The following FBXL17 variants were observed in gnomAD, a reference collection of about 807,000 sequenced individuals.
FBXL17 encodes the protein F-box/LRR-repeat protein 17.
In FBXL17, 22 loss-of-function variants were observed where a neutral mutation model predicts 66.2. That is an observed-to-expected ratio of 0.33 (90% CI 0.24 to 0.47). The LOEUF (loss-of-function observed/expected upper bound fraction) is 0.47. FBXL17 is among the 20% of genes least tolerant of loss of function. FBXL17 has a pLI of 1.00. For synonymous variants in FBXL17, 474 were observed against 400.5 expected, an observed-to-expected ratio of 1.18 and a Z score of -2.19; for missense variants, 878 against 948.2, an observed-to-expected ratio of 0.93 and a Z score of 0.97.
chr5:107,993,007 T>C (rs527426913), intron 7 of FBXL17, among the ~76,000 whole-genome samples: 1 of 152,118 alleles, frequency 6.6e-6, no homozygotes, highest in Non-Finnish European at 1.5e-5. Flanking sequence ...GCCATTCTCC[T>C]GCCTTAGCCT....
chr5:108,209,952 T>G lies in FBXL17; in HGVS notation c.1614+14169A>C, dbSNP rs1475296723. 3.3e-5 allele frequency among the ~76,000 whole-genome samples: 5 copies of G among 152,270 alleles called. No homozygotes were observed. The East Asian group carries it at 9.7e-4, about 29-fold the overall frequency. ...ATCCGTCTGGTCCCAGACTTTTTTT[T>G]GGTTGGCAGACTATTAATTACTGCC... On this transcript the variant is annotated intron_variant, in intron 5 of 8. Coordinates refer to ENST00000542267, the MANE Select transcript of FBXL17 (RefSeq NM_001163315.3).
chr5:108,380,210 G>A (rs144973858), intron 1 of FBXL17, among the ~76,000 whole-genome samples: 72 of 152,230 alleles, frequency 4.7e-4, no homozygotes, highest in Non-Finnish European at 8.2e-4. Context: ...GCGTTAACTA[G>A]ATAAATGGGA....
intron 6 of FBXL17, among the ~76,000 whole-genome samples, chr5:108,127,201 T>C (rs147368990): frequency 6.6e-6 from 1 of 152,166 alleles, no homozygotes; most frequent in East Asian, 1.9e-4. Flanking sequence ...ACACCAACAC[T>C]TATGTCTTTG....
chr5:108,324,567 C>A (rs1487357129), intron 4 of FBXL17, among the ~76,000 whole-genome samples: 1 of 151,930 alleles, frequency 6.6e-6, no homozygotes, highest in East Asian at 1.9e-4. Context: ...ATATTAAGAT[C>A]CAGTAATTTT....
chr5:108,139,809 C>T (rs912859235), intron 6 of FBXL17, among the ~76,000 whole-genome samples: 1 of 152,136 alleles, frequency 6.6e-6, no homozygotes, highest in Non-Finnish European at 1.5e-5. Context: ...CAGGTTAATT[C>T]CTTCTGATAT....
chr5:108,228,928 T>TA (rs1755210268), intron 4 of FBXL17, among the ~76,000 whole-genome samples: 1 of 152,182 alleles, frequency 6.6e-6, no homozygotes, highest in African/African-American at 2.4e-5. Context: ...ATTTCTAATT[T>TA]AATTTGTTGG....
intron 7 of FBXL17, among the ~76,000 whole-genome samples, chr5:107,938,698 G>C (rs1473005003): frequency 2.0e-5 from 3 of 152,068 alleles, no homozygotes; most frequent in African/African-American, 7.2e-5. Flanking sequence ...ATACTCTCCA[G>C]AGAGCTTCCA....
intron 6 of FBXL17, among the ~76,000 whole-genome samples, chr5:108,134,003 A>G (rs918488622): frequency 6.6e-6 from 1 of 152,178 alleles, no homozygotes; most frequent in Non-Finnish European, 1.5e-5. Context: ...AAGTACTGGC[A>G]GTAAGGTAAG....
At chr5:107,915,330 A>C (rs552800279) in intron 7 of FBXL17, among the ~76,000 whole-genome samples, 1 of 152,314 alleles carries the variant, frequency 6.6e-6, no homozygotes, top group African/African-American at 2.4e-5. Flanking sequence ...CCTCAGATTT[A>C]ATGTTGATTT....
At chr5:108,270,716 A>G (rs952346698) in intron 4 of FBXL17, among the ~76,000 whole-genome samples, 3 of 152,118 alleles carry the variant, frequency 2.0e-5, no homozygotes, top group Non-Finnish European at 4.4e-5. Flanking sequence ...AAATAATTGA[A>G]CAGCTGACAG....
At chr5:108,119,818 GAAC>G (rs1196773221) in intron 6 of FBXL17, among the ~76,000 whole-genome samples, 1 of 152,100 alleles carries the variant, frequency 6.6e-6, no homozygotes, top group Non-Finnish European at 1.5e-5. Context: ...TAATTCTGTA[GAAC>G]AAAATTTAGT....
At chr5:108,163,375 C>T (rs747376960) in intron 6 of FBXL17, among the ~76,000 whole-genome samples, 1 of 150,460 alleles carries the variant, frequency 6.6e-6, no homozygotes, top group Non-Finnish European at 1.5e-5. Context: ...GTCAACAATG[C>T]AGGACATGAA....
At chr5:108,352,074 T>C (rs1434563009) in intron 3 of FBXL17, among the ~76,000 whole-genome samples, 1 of 152,216 alleles carries the variant, frequency 6.6e-6, no homozygotes, top group Non-Finnish European at 1.5e-5. Flanking sequence ...TATGCAGAAA[T>C]TACCAGCATG....
chr5:107,875,414 T>C (rs1748591076), intron 8 of FBXL17, among the ~76,000 whole-genome samples: 1 of 152,234 alleles, frequency 6.6e-6, no homozygotes, highest in African/African-American at 2.4e-5. Context: ...CTCCATTTTC[T>C]CCACAGAAAT....
chr5:108,044,453 G>A (rs571423635), intron 6 of FBXL17, among the ~76,000 whole-genome samples: 15 of 152,124 alleles, frequency 9.9e-5, no homozygotes, highest in South Asian at 2.1e-4. Flanking sequence ...GTGATCTTTT[G>A]ATTTTTGAAT....
intron 1 of FBXL17, among the ~76,000 whole-genome samples, chr5:108,370,464 G>A (rs890327508): frequency 6.6e-6 from 1 of 152,164 alleles, no homozygotes; most frequent in Non-Finnish European, 1.5e-5. Flanking sequence ...CATAAAAGTG[G>A]CAGGGCATGG....
chr5:108,262,855 G>A (rs555335322), intron 4 of FBXL17, among the ~76,000 whole-genome samples: 165 of 152,248 alleles, frequency 1.1e-3, no homozygotes, highest in Non-Finnish European at 2.3e-3. Flanking sequence ...TTAATAGAGG[G>A]AAAGCATGTG....
At chr5:108,146,114 C>A (rs1365408570) in intron 6 of FBXL17, among the ~76,000 whole-genome samples, 2 of 152,004 alleles carry the variant, frequency 1.3e-5, no homozygotes, top group African/African-American at 4.8e-5. Context: ...CACCTGCAGT[C>A]CCAGCTACTC....
intron 7 of FBXL17, among the ~76,000 whole-genome samples, chr5:107,884,303 C>T (rs1748889859): frequency 6.6e-6 from 1 of 152,208 alleles, no homozygotes; most frequent in Admixed American, 6.5e-5. Context: ...ATTCTTCCAA[C>T]AGCTCTGCAG....
Sources: allele counts gnomAD v4.1 joint callset (sites outside exome capture counted in the v4.1 genomes callset), GRCh38; gene constraint gnomAD v4.1.1; transcripts MANE v1.5; gene names NCBI Gene and HGNC (gene_info 2026-07-23, HGNC 2026-07-21).